The following RB1 variants were observed in gnomAD, a reference collection of about 807,000 sequenced individuals.
RB1 encodes retinoblastoma-associated protein.
A neutral mutation model predicts 135.4 loss-of-function variants in RB1; 18 were observed. The observed-to-expected ratio is 0.13, with a 90% CI of 0.09 to 0.20. RB1 has a LOEUF of 0.20. Among genes scored for constraint, RB1 ranks in the 10% least tolerant of loss-of-function variants. The pLI is 1.00. For missense variants in RB1, 868 were observed against 1,110.0 expected, an observed-to-expected ratio of 0.78 and a Z score of 3.10; for synonymous variants, 365 against 373.2, an observed-to-expected ratio of 0.98 and a Z score of 0.25.
intron 3 of RB1, among the ~76,000 whole-genome samples, chr13:48,343,258 A>G (rs1952463157): frequency 6.6e-6 from 1 of 152,172 alleles, no homozygotes; most frequent in African/African-American, 2.4e-5. Context: ...TGTGTTTTCA[A>G]TAATGTATGA....
chr13:48,424,223 C>A (rs1478984339), intron 17 of RB1: 1 of 152,128 alleles, frequency 6.6e-6, no homozygotes, highest in Admixed American at 6.5e-5. Context: ...TATCTTTTAG[C>A]CTAAGGAGAA....
chr13:48,310,246 CAG>C (rs1299088282), intron 2 of RB1, among the ~76,000 whole-genome samples: 1 of 152,096 alleles, frequency 6.6e-6, no homozygotes, highest in Non-Finnish European at 1.5e-5. Flanking sequence ...AATGTAATGA[CAG>C]AATAAATGTG....
chr13:48,425,196 G>A (rs981088924), intron 17 of RB1, among the ~76,000 whole-genome samples: 1 of 152,230 alleles, frequency 6.6e-6, no homozygotes, highest in Non-Finnish European at 1.5e-5. Flanking sequence ...ATGAAGGCTA[G>A]CCTTTACAGT....
Position 48,476,733 on chromosome 13 carries a change from G to T in RB1, c.2553G>T (p.Met851Ile), listed in dbSNP as rs1346717703. The change falls in exon 25 of 27, where the codon ATG (methionine) becomes ATT (isoleucine). Residue 851 changes from methionine to isoleucine, a missense_variant. By Grantham distance (10) the Met-to-Ile change is conservative. Coordinates refer to ENST00000267163, the MANE Select transcript of RB1 (RefSeq NM_000321.3). The part of the protein sequence containing the change: ...TSEKFQKINQ[M>I]VCNSDRVLKR... ...AGAAGTTCCAGAAAATAAATCAGAT[G>T]GTATGTAACAGCGACCGTGTGCTCA... 6.2e-7 allele frequency: 1 copy of T among 1,613,256 alleles called. No individual in the cohort carries two copies. Among genetic ancestry groups the T allele is most frequent in the Non-Finnish European group, 8.5e-7 (1 of 1,179,504 alleles).
intron 6 of RB1, among the ~76,000 whole-genome samples, chr13:48,354,132 A>G (rs560366213): frequency 1.3e-5 from 2 of 152,256 alleles, no homozygotes; most frequent in African/African-American, 4.8e-5. Context: ...ATTGGAAAGA[A>G]AGAAGTCAAG....
chr13:48,412,491 A>G, intron 17 of RB1: 1 of 1,000,530 alleles, frequency 1.0e-6, no homozygotes, highest in Non-Finnish European at 1.6e-6. Flanking sequence ...TGGGATTCAG[A>G]TTATAACCTC....
chr13:48,340,029 A>T (rs977273206), intron 2 of RB1, among the ~76,000 whole-genome samples: 25 of 152,336 alleles, frequency 1.6e-4, no homozygotes, highest in Admixed American at 1.0e-3. Flanking sequence ...TTCATTTTCT[A>T]CAGAGGTGCG....
Position 48,395,287 on chromosome 13 carries a change from A to G in RB1, c.1695+13844A>G, listed in dbSNP as rs190220628. 1.4e-3 allele frequency among the ~76,000 whole-genome samples: 215 copies of G among 152,308 alleles called. 3 individuals carry two copies. Among genetic ancestry groups the G allele is most frequent in the Non-Finnish European group, 1.4e-3 (94 of 68,028 alleles). On this transcript the variant is annotated intron_variant, in intron 17 of 26. Transcript: ENST00000267163. The stretch of plus-strand genomic sequence containing the variant: ...AAAGGTAGATAAATCCATGAAGATG[A>G]GGAAAAACCAGCACAAAAAGGCTGA...
At chr13:48,431,784 A>C (rs1422753721) in intron 17 of RB1, among the ~76,000 whole-genome samples, 1 of 152,216 alleles carries the variant, frequency 6.6e-6, no homozygotes, top group African/African-American at 2.4e-5. Context: ...CCTAACCGAA[A>C]AAGATTGCTG....
intron 17 of RB1, among the ~76,000 whole-genome samples, chr13:48,432,270 T>C (rs1949137796): frequency 6.6e-6 from 1 of 152,082 alleles, no homozygotes; most frequent in Non-Finnish European, 1.5e-5. Flanking sequence ...CCAGCTCACC[T>C]CCCAGAAATT....
In RB1 at chr13:48,459,746, C is replaced by A. The variant is rs1949384169; in HGVS notation, c.2019C>A (p.His673Gln). The A allele has an allele frequency of 6.2e-7, 1 of 1,613,818 alleles. No homozygotes were observed. Among genetic ancestry groups the A allele is most frequent in the Non-Finnish European group, 8.5e-7 (1 of 1,179,818 alleles). The change falls in exon 20 of 27, where the codon CAC becomes CAA. Residue 673 changes from histidine to glutamine, a missense_variant. His to Gln is a conservative substitution (Grantham distance 24). Around this residue, in one of 3 missense-constraint regions of RB1, gnomAD observed 31 missense variants for 78.9 expected, o/e 0.39. Coordinates refer to ENST00000267163, the MANE Select transcript of RB1 (RefSeq NM_000321.3). ...TTTGTGAACGCCTTCTGTCTGAGCA[C>A]CCAGAATTAGAACATATCATCTGGA... Reference protein sequence around the residue: ...NTLCERLLSEHPELEHIIWTL... With the variant: ...NTLCERLLSEQPELEHIIWTL...
At chr13:48,320,028 C>G (rs1015388944) in intron 2 of RB1, 5 of 453,674 alleles carry the variant, frequency 1.1e-5, no homozygotes, top group African/African-American at 2.0e-5. Flanking sequence ...CCTGGCTGGC[C>G]CCTGCCAGCC....
At position 48,347,840 on chromosome 13, in the gene RB1, A is replaced by G. The variant is rs1179558571; in HGVS notation, c.516A>G (p.Ile172Met). ...FSKLERTCELIYLTQPSSSIS... is the reference protein window; with the variant it reads ...FSKLERTCELMYLTQPSSSIS... Reference sequence around the variant, plus strand: ...TTCTTTTCAGGACATGTGAACTTATATATTTGACACAACCCAGCAGTTCGT... The same window carrying G: ...TTCTTTTCAGGACATGTGAACTTATGTATTTGACACAACCCAGCAGTTCGT... The change falls in exon 5 of 27, where the codon ATA becomes ATG. Residue 172 changes from isoleucine (I) to methionine (M), a missense_variant. This residue lies in a region of RB1 where 641 missense variants were observed against 791.3 expected (regional missense o/e 0.81). Transcript: ENST00000267163. 4 of 1,595,522 alleles carry G rather than the reference A, an allele frequency of 2.5e-6. No individual in the cohort carries two copies. The highest frequency in any genetic ancestry group is 2.2e-5 in the South Asian group (2 of 90,344).
chr13:48,368,404 A>C, intron 10 of RB1, 123 bp from the exon 11 acceptor site: 3 of 1,274,148 alleles, frequency 2.4e-6, no homozygotes, highest in Non-Finnish European at 3.2e-6. Context: ...TATCCTATCT[A>C]TTATTGAGTT....
chr13:48,460,393 A>C (rs1371859580), intron 20 of RB1, among the ~76,000 whole-genome samples: 5 of 152,170 alleles, frequency 3.3e-5, no homozygotes, highest in Admixed American at 6.5e-5. Context: ...TACAAATTAG[A>C]GCTTTAACAC....
At chr13:48,338,407 T>G (rs935563759) in intron 2 of RB1, among the ~76,000 whole-genome samples, 5 of 152,240 alleles carry the variant, frequency 3.3e-5, no homozygotes, top group Non-Finnish European at 7.3e-5. Flanking sequence ...TAAACTTCTC[T>G]TCTTGCTTCA....
chr13:48,322,249 GC>G (rs966832944), intron 2 of RB1, among the ~76,000 whole-genome samples: 10 of 152,002 alleles, frequency 6.6e-5, no homozygotes, highest in African/African-American at 2.4e-4. Context: ...TCTTTTTATG[GC>G]TGAATAATAT....
At chr13:48,313,555 A>G (rs1251529842) in intron 2 of RB1, among the ~76,000 whole-genome samples, 1 of 141,622 alleles carries the variant, frequency 7.1e-6, no homozygotes, top group Non-Finnish European at 1.5e-5. Context: ...ATTTTTGTGT[A>G]TGATGTGAGG....
At chr13:48,385,917 AGGAGCT>A (rs1341189535) in intron 17 of RB1, among the ~76,000 whole-genome samples, 1 of 152,026 alleles carries the variant, frequency 6.6e-6, no homozygotes, top group Non-Finnish European at 1.5e-5. Flanking sequence ...TTTATAGAAT[AGGAGCT>A]TTAGGCCAGG....
Sources: gnomAD v4.1 joint callset for allele counts (sites outside exome capture counted in the v4.1 genomes callset) on GRCh38, gnomAD v4.1.1 for gene constraint, gnomAD v4.1.1 regional missense constraint, MANE v1.5 for transcripts, NCBI Gene and HGNC (gene_info 2026-07-23, HGNC 2026-07-21) for gene names.